The following LAMA4 variants were observed in gnomAD, a reference collection of about 807,000 sequenced individuals.
LAMA4 encodes laminin subunit alpha 4, also known as laminin subunit alpha-4.
In LAMA4, 127 loss-of-function variants were observed where a neutral mutation model predicts 207.1. The observed-to-expected ratio is 0.61, with a 90% CI of 0.53 to 0.71. The LOEUF is 0.71. Ranked by LOEUF, LAMA4 falls within the 30% of genes least tolerant of loss-of-function variation. The probability of loss-of-function intolerance (pLI) is 0.00; values close to 1 mark genes in which losing one functional copy is unlikely to be tolerated. For missense variants in LAMA4, 2,093 were observed against 2,246.5 expected (o/e 0.93, Z 1.38); for synonymous variants, 761 against 816.0 (o/e 0.93, Z 1.15).
intron 31 of LAMA4, among the ~76,000 whole-genome samples, chr6:112,128,428 G>T (rs1420225555): frequency 3.3e-5 from 5 of 152,172 alleles, no homozygotes; most frequent in Admixed American, 1.3e-4. Context: ...GCTGGGACGG[G>T]CAGCGGCGGG....
At chr6:112,203,884 A>G (rs1783905043) in intron 4 of LAMA4, among the ~76,000 whole-genome samples, 1 of 152,190 alleles carries the variant, frequency 6.6e-6, no homozygotes, top group African/African-American at 2.4e-5. Context: ...GATTTAGAGC[A>G]CATTCTCTAA....
At chr6:112,161,535 T>C (rs1270758510) in intron 13 of LAMA4, among the ~76,000 whole-genome samples, 3 of 152,242 alleles carry the variant, frequency 2.0e-5, no homozygotes, top group South Asian at 2.1e-4. Flanking sequence ...ATATTCCCTG[T>C]GTGCTCATTA....
intron 12 of LAMA4, among the ~76,000 whole-genome samples, chr6:112,170,426 T>C (rs984285131): frequency 1.3e-5 from 2 of 152,198 alleles, no homozygotes; most frequent in Non-Finnish European, 1.5e-5. Context: ...GAGGTTGCAG[T>C]GTTGTTTCTG....
At chr6:112,193,572 G>T (rs1391400110) in intron 5 of LAMA4, among the ~76,000 whole-genome samples, 1 of 152,040 alleles carries the variant, frequency 6.6e-6, no homozygotes, top group African/African-American at 2.4e-5. Context: ...TCAGTTTCTT[G>T]GTGTAGTTGT....
At chr6:112,115,113 C>G (rs1056170252) in intron 36 of LAMA4, among the ~76,000 whole-genome samples, 1 of 152,192 alleles carries the variant, frequency 6.6e-6, no homozygotes, top group Non-Finnish European at 1.5e-5. Context: ...TTAACTTACT[C>G]TCTGCCCCAG....
At chr6:112,191,116 G>A (rs1425156195) in intron 6 of LAMA4, among the ~76,000 whole-genome samples, 9 of 151,566 alleles carry the variant, frequency 5.9e-5, no homozygotes, top group Non-Finnish European at 1.3e-4. Flanking sequence ...ATGCTGGGTG[G>A]GACTATAGGC....
At chr6:112,149,505 G>C (rs1268375033) in intron 17 of LAMA4, among the ~76,000 whole-genome samples, 2 of 152,140 alleles carry the variant, frequency 1.3e-5, no homozygotes, top group African/African-American at 4.8e-5. Flanking sequence ...AGATCTCGTG[G>C]TTTTATAAGT....
At chr6:112,136,365 G>A in intron 24 of LAMA4, 111 bp from the exon 25 acceptor site, 1 of 859,988 alleles carries the variant, frequency 1.2e-6, no homozygotes, top group East Asian at 2.7e-5. Context: ...ACTATTTGAA[G>A]ACTAAGAAAG....
intron 12 of LAMA4, chr6:112,171,559 C>T (rs369027520): frequency 4.6e-5 from 7 of 153,362 alleles, no homozygotes; most frequent in East Asian, 1.9e-4. Flanking sequence ...CTGCGGTTGA[C>T]TGGATGTGGA....
At chr6:112,167,245 A>G (rs1483249274) in intron 12 of LAMA4, among the ~76,000 whole-genome samples, 3 of 152,212 alleles carry the variant, frequency 2.0e-5, no homozygotes, top group Admixed American at 1.3e-4. Flanking sequence ...AATTAAAACA[A>G]TTAAATTTGG....
At position 112,136,184 on chromosome 6, in the gene LAMA4, C is replaced by T. The variant is rs1554331497; in HGVS notation, c.3353G>A (p.Gly1118Asp). The stretch of plus-strand genomic sequence containing the variant: ...TAACGTATCTTCAAGATGCACAGGG[C>T]CACCGCTGAATCCAAAATCATAGAA... ...HVFYDFGFSG[G>D]PVHLEDTLKK... Residue 1118 changes from glycine to aspartate, a missense_variant, in exon 25 of 39, where the codon GGC (glycine) becomes GAC (aspartate). By Grantham distance (94) the Gly-to-Asp change is moderately conservative. Around this residue, in one of 3 missense-constraint regions of LAMA4, gnomAD observed 1,704 missense variants for 1,788.4 expected, o/e 0.95. Coordinates refer to ENST00000230538, the MANE Select transcript of LAMA4 (RefSeq NM_001105206.3). 5 of 1,612,172 alleles carry T rather than the reference C, an allele frequency of 3.1e-6. No individual in the cohort carries two copies.
chr6:112,233,987 T>C (rs563167257), intron 2 of LAMA4, among the ~76,000 whole-genome samples: 25 of 152,254 alleles, frequency 1.6e-4, no homozygotes, highest in Admixed American at 5.2e-4. Flanking sequence ...CTTGCCCTAG[T>C]TCCTGAAATA....
At chr6:112,208,020 C>G (rs1011660347) in intron 3 of LAMA4, among the ~76,000 whole-genome samples, 2 of 152,184 alleles carry the variant, frequency 1.3e-5, no homozygotes, top group African/African-American at 2.4e-5. Context: ...GGATTAATTT[C>G]TATAAGGGGC....
chr6:112,165,061 C>A, intron 13 of LAMA4, 99 bp downstream of exon 13: 1 of 791,648 alleles, frequency 1.3e-6, no homozygotes, highest in Non-Finnish European at 2.3e-6. Flanking sequence ...ATAATGCCTG[C>A]TCACTGGTTA....
At chr6:112,240,009 T>A (rs1786277049) in intron 2 of LAMA4, among the ~76,000 whole-genome samples, 1 of 151,916 alleles carries the variant, frequency 6.6e-6, no homozygotes, top group South Asian at 2.1e-4. Context: ...TGAGCCTAGG[T>A]CGCGCCACTG....
At chr6:112,198,075 G>A (rs782189133) in intron 5 of LAMA4, among the ~76,000 whole-genome samples, 4 of 152,198 alleles carry the variant, frequency 2.6e-5, no homozygotes, top group African/African-American at 4.8e-5. Context: ...TAGTATGAGA[G>A]TGTGGTATTG....
intron 2 of LAMA4, among the ~76,000 whole-genome samples, chr6:112,229,561 G>A (rs781875953): frequency 2.0e-5 from 3 of 152,096 alleles, no homozygotes; most frequent in Admixed American, 6.5e-5. Context: ...ACAAAATTTC[G>A]CATGGTCTCA....
intron 5 of LAMA4, among the ~76,000 whole-genome samples, chr6:112,198,101 C>T (rs990477359): frequency 5.3e-5 from 8 of 152,028 alleles, no homozygotes; most frequent in Non-Finnish European, 8.8e-5. Context: ...CAAGGTAGAG[C>T]GGTAGTTCAC....
intron 2 of LAMA4, chr6:112,218,467 GA>G (rs1487512245): frequency 1.3e-5 from 2 of 152,192 alleles, no homozygotes; most frequent in Admixed American, 6.5e-5. Context: ...AACTCTTGGT[GA>G]TTTGGGTGGT....
Sources: allele counts gnomAD v4.1 joint callset (sites outside exome capture counted in the v4.1 genomes callset), GRCh38; gene constraint gnomAD v4.1.1; regional missense constraint gnomAD v4.1.1; transcripts MANE v1.5; gene names NCBI Gene and HGNC (gene_info 2026-07-23, HGNC 2026-07-21).